Variants in ATP13A3 observed in about 807,000 individuals in gnomAD.
The protein encoded by ATP13A3 is ATPase 13A3.
In ATP13A3, 59 loss-of-function variants were observed where a neutral mutation model predicts 158.1. The ratio of observed to expected loss-of-function variants is 0.37; its 90% CI spans 0.30 to 0.46. The LOEUF is 0.46. Ranked by LOEUF, ATP13A3 falls within the 20% of genes least tolerant of loss-of-function variation. ATP13A3 has a pLI of 1.00. For synonymous variants in ATP13A3, 491 were observed against 504.3 expected (o/e 0.97, Z 0.35); for missense variants, 1,166 against 1,525.2 (o/e 0.76, Z 3.92).
At position 194,405,778 on chromosome 3, in the gene ATP13A3, G is replaced by A. The variant is rs1714887319; in HGVS notation, c.*141C>T. ...ATTTTTCTGTTTTTATTTTAAGGAA[G>A]AGCAAAGCTGTCAAATAAGCTACTA... On this transcript the variant is annotated 3_prime_UTR_variant, in exon 34 of 34. Coordinates refer to ENST00000645319, the MANE Select transcript of ATP13A3 (RefSeq NM_001367549.1). 1.2e-6 allele frequency: 1 copy of A among 817,764 alleles called. No homozygotes were observed. Among genetic ancestry groups the A allele is most frequent in the Admixed American group, 2.7e-5 (1 of 36,416 alleles). The allele number at this position is 817,764 out of a possible 1,614,324, so 50.7% of individuals were successfully genotyped here.
chr3:194,452,707 G>C (rs1718894555), intron 10 of ATP13A3: 1 of 151,848 alleles, frequency 6.6e-6, no homozygotes, highest in Non-Finnish European at 1.5e-5. Context: ...CCTTCTCTCA[G>C]CCTCCCCTTA....
chr3:194,455,290 A>C (rs1436446375), intron 8 of ATP13A3, among the ~76,000 whole-genome samples: 1 of 152,194 alleles, frequency 6.6e-6, no homozygotes, highest in Non-Finnish European at 1.5e-5. Flanking sequence ...GTATTTTATC[A>C]ATTTCATTAA....
At chr3:194,464,942 A>T (rs1161921637) in intron 2 of ATP13A3, among the ~76,000 whole-genome samples, 2 of 152,034 alleles carry the variant, frequency 1.3e-5, no homozygotes, top group Non-Finnish European at 2.9e-5. Context: ...ACCAATTCTG[A>T]TCTCCAGTTC....
At chr3:194,430,651 A>G (rs1717148847) in intron 24 of ATP13A3, among the ~76,000 whole-genome samples, 1 of 152,172 alleles carries the variant, frequency 6.6e-6, no homozygotes, top group African/African-American at 2.4e-5. Context: ...TTATCCCTTA[A>G]TAACCTGAAA....
chr3:194,466,022 C>A (rs553031311), intron 2 of ATP13A3, among the ~76,000 whole-genome samples: 8 of 151,850 alleles, frequency 5.3e-5, no homozygotes, highest in Admixed American at 5.2e-4. Context: ...ACCAATGGGT[C>A]AAAGTCATCA....
intron 2 of ATP13A3, 83 bp downstream of exon 2, chr3:194,485,711 T>C (rs1307198947): frequency 6.6e-6 from 1 of 152,280 alleles, no homozygotes; most frequent in Non-Finnish European, 1.5e-5. Flanking sequence ...TCCACACCCA[T>C]TCATTTTGCA....
At chr3:194,420,835 A>T (rs1716236812) in intron 30 of ATP13A3, among the ~76,000 whole-genome samples, 1 of 151,456 alleles carries the variant, frequency 6.6e-6, no homozygotes, top group Non-Finnish European at 1.5e-5. Context: ...TTTTCCTTTG[A>T]TCTGGACATT....
rs1483037494 is a variant in ATP13A3, at chr3:194,459,845, G to A, written c.352C>T (p.Pro118Ser). The change falls in exon 5 of 34, where the codon CCC becomes TCC. Residue 118 changes from proline to serine, a missense_variant. Around this residue, in one of 3 missense-constraint regions of ATP13A3, gnomAD observed 104 missense variants for 91.7 expected, o/e 1.13. Coordinates refer to ENST00000645319, the MANE Select transcript of ATP13A3 (RefSeq NM_001367549.1). ...ATCCTGTGCCTATTTTCTTCAGTGG[G>A]ATTCTCAATTAAACAAACTGCATGG... Reference protein sequence around the residue: ...NGHAVCLIENPTEENRHRISK... With the variant: ...NGHAVCLIENSTEENRHRISK... The A allele has an allele frequency of 6.2e-7, 1 of 1,613,254 alleles. No individual in the cohort carries two copies. Among genetic ancestry groups the A allele is most frequent in the Non-Finnish European group, 8.5e-7 (1 of 1,179,626 alleles).
chr3:194,418,651 G>T (rs548970781), intron 31 of ATP13A3, among the ~76,000 whole-genome samples: 1 of 152,344 alleles, frequency 6.6e-6, no homozygotes, highest in Admixed American at 6.5e-5. Flanking sequence ...AAGACCAAGT[G>T]TTGGCAATGA....
rs114009899 is a variant in ATP13A3 at position 194,464,455 on chromosome 3, A to G, written c.-46-2219T>C. Among the ~76,000 whole-genome samples, 1,148 of 152,302 alleles carry G rather than the reference A, an allele frequency of 7.5e-3. 15 individuals carry two copies. The highest frequency in any genetic ancestry group is 0.026 in the African/African-American group (1,085 of 41,556). On this transcript the variant is annotated intron_variant, in intron 2 of 33. Transcript: ENST00000645319. Reference sequence around the variant, plus strand: ...AGCATATTACCAGAGTTATTCCACCATAATAATGTTCCATAAAATCAAAGC... The same window carrying G: ...AGCATATTACCAGAGTTATTCCACCGTAATAATGTTCCATAAAATCAAAGC...
intron 30 of ATP13A3, among the ~76,000 whole-genome samples, chr3:194,421,111 GGT>G (rs1284255038): frequency 8.6e-3 from 39 of 4,540 alleles, no homozygotes; most frequent in African/African-American, 0.022. Context: ...CAGTGTGTAG[GGT>G]GTATATATAT....
intron 20 of ATP13A3, among the ~76,000 whole-genome samples, chr3:194,434,862 A>G (rs921217938): frequency 9.2e-5 from 14 of 152,204 alleles, no homozygotes; most frequent in African/African-American, 3.1e-4. Flanking sequence ...TCAAGTCTGC[A>G]GTGAGAAGTG....
intron 2 of ATP13A3, among the ~76,000 whole-genome samples, chr3:194,463,920 G>A (rs1016671737): frequency 2.0e-5 from 3 of 152,230 alleles, no homozygotes; most frequent in Admixed American, 6.5e-5. Flanking sequence ...AGCGCTCTGG[G>A]AGGCCAAGGC....
At chr3:194,443,829 T>C (rs560798867) in intron 15 of ATP13A3, among the ~76,000 whole-genome samples, 2 of 152,092 alleles carry the variant, frequency 1.3e-5, no homozygotes, top group East Asian at 3.9e-4. Context: ...TAATTTTCAA[T>C]ACACAATATT....
Position 194,482,996 on chromosome 3 carries a change from A to G in ATP13A3, c.-47+2798T>C, listed in dbSNP as rs143106128. Reference sequence around the variant, plus strand: ...GTGGTGGGCACCTGTAATCCCAGCTACTCGGAAAGCTGAGGCAGGAGAATC... The same window carrying G: ...GTGGTGGGCACCTGTAATCCCAGCTGCTCGGAAAGCTGAGGCAGGAGAATC... On this transcript the variant is annotated intron_variant, in intron 2 of 33. Coordinates refer to ENST00000645319, the MANE Select transcript of ATP13A3 (RefSeq NM_001367549.1). Among the ~76,000 whole-genome samples the G allele has an allele frequency of 8.1e-3, 1,229 of 151,264 alleles. 11 individuals are homozygous for G. The highest frequency in any genetic ancestry group is 0.045 in the South Asian group (213 of 4,782).
chr3:194,433,144 G>A (rs1400225503), intron 21 of ATP13A3, among the ~76,000 whole-genome samples: 1 of 150,166 alleles, frequency 6.7e-6, no homozygotes, highest in Non-Finnish European at 1.5e-5. Flanking sequence ...ATAACACAAG[G>A]TACAATAAGT....
intron 15 of ATP13A3, among the ~76,000 whole-genome samples, chr3:194,442,989 A>G (rs1460541141): frequency 6.6e-6 from 1 of 152,026 alleles, no homozygotes; most frequent in African/African-American, 2.4e-5. Flanking sequence ...TGCTCTGCCT[A>G]TGAAGGAACC....
upstream of ATP13A3, chr3:194,487,076 A>G (rs1206575600): frequency 3.5e-5 from 5 of 142,862 alleles, no homozygotes; most frequent in African/African-American, 2.5e-5. Context: ...CGACGTCAGG[A>G]GGCGGGGAAG....
intron 15 of ATP13A3, among the ~76,000 whole-genome samples, chr3:194,444,265 G>GA (rs1718242466): frequency 6.6e-6 from 1 of 152,056 alleles, no homozygotes; most frequent in African/African-American, 2.4e-5. Context: ...GAAAAAAGAA[G>GA]AAAAAACAGA....
Sources: allele counts gnomAD v4.1 joint callset (sites outside exome capture counted in the v4.1 genomes callset), GRCh38; gene constraint gnomAD v4.1.1; regional missense constraint gnomAD v4.1.1; transcripts MANE v1.5; gene names NCBI Gene and HGNC (gene_info 2026-07-23, HGNC 2026-07-21).